Variants in TIPIN observed in about 807,000 individuals in gnomAD.
TIPIN encodes TIMELESS interacting protein.
Under a neutral mutation model 35.6 loss-of-function variants are expected in TIPIN, and 29 were observed. That is an observed-to-expected ratio of 0.82 (90% CI 0.61 to 1.11). The LOEUF (loss-of-function observed/expected upper bound fraction) is 1.11, where lower values mean the gene tolerates loss of function less well. Ranked by LOEUF, TIPIN falls within the 50% of genes most tolerant of loss-of-function variation. TIPIN has a pLI of 0.00. For missense variants in TIPIN, 296 were observed against 345.4 expected (o/e 0.86, Z 1.13); for synonymous variants, 102 against 121.5 (o/e 0.84, Z 1.06).
At chr15:66,381,451 AAAAAG>A (rs1489333168) in intron 1 of TIPIN, among the ~76,000 whole-genome samples, 4 of 152,074 alleles carry the variant, frequency 2.6e-5, no homozygotes, top group African/African-American at 9.7e-5. Context: ...AAAATTAAAA[AAAAAG>A]AATAGAGATC....
chr15:66,355,127 G>C (rs1226035918), intron 1 of TIPIN, among the ~76,000 whole-genome samples: 1 of 145,672 alleles, frequency 6.9e-6, no homozygotes, highest in Non-Finnish European at 1.5e-5. Context: ...TCCGCCTCCC[G>C]GGTTCTCGCC....
At chr15:66,375,499 T>TTTTATATATA (rs1363329440) in intron 1 of TIPIN, among the ~76,000 whole-genome samples, 2 of 132,840 alleles carry the variant, frequency 1.5e-5, no homozygotes, top group Non-Finnish European at 3.2e-5. Flanking sequence ...ATTGGAAAAG[T>TTTTATATATA]TATATATATA....
chr15:66,344,541 C>T lies in TIPIN; in HGVS notation c.476-3185G>A, dbSNP rs193236773. 1.5e-3 allele frequency among the ~76,000 whole-genome samples: 235 copies of T among 151,996 alleles called. 1 individual carries two copies. Among genetic ancestry groups the T allele is most frequent in the African/African-American group, 5.4e-3 (224 of 41,470 alleles). On this transcript the variant is annotated intron_variant, in intron 6 of 7. Coordinates refer to ENST00000261881, the MANE Select transcript of TIPIN (RefSeq NM_017858.3). ...ATATTTTGTAAGCAGCAGCTGGTTCCTTTGAGTAGGATTAAAATGAGATTT... is the reference window on the plus strand; with the variant it reads ...ATATTTTGTAAGCAGCAGCTGGTTCTTTTGAGTAGGATTAAAATGAGATTT...
chr15:66,336,779 A>C lies in TIPIN; in HGVS notation c.*179T>G. 1.7e-6 allele frequency: 1 copy of C among 578,924 alleles called. No homozygotes were observed. The highest frequency in any genetic ancestry group is 2.4e-5 in the South Asian group (1 of 42,022). The allele number at this position is 578,924 out of a possible 1,614,324, so 35.9% of individuals were successfully genotyped here. The stretch of plus-strand genomic sequence containing the variant: ...ATAAAAACAAACACTAAAGAGAACA[A>C]ATAGATTTAACTAAAGTGACAAGCA... On this transcript the variant is annotated 3_prime_UTR_variant, in exon 8 of 8. Coordinates refer to ENST00000261881, the MANE Select transcript of TIPIN (RefSeq NM_017858.3).
At chr15:66,353,386 G>C (rs1186134263) in intron 1 of TIPIN, among the ~76,000 whole-genome samples, 1 of 152,106 alleles carries the variant, frequency 6.6e-6, no homozygotes, top group African/African-American at 2.4e-5. Context: ...GGGAGGCCGA[G>C]GCGGGCGGAT....
At chr15:66,359,628 C>T (rs752546028), upstream of TIPIN, among the ~76,000 whole-genome samples, 57 of 152,152 alleles carry the variant, frequency 3.7e-4, 1 homozygote, top group Non-Finnish European at 6.5e-4. Context: ...GGATTACAGG[C>T]GTGAGTCACC....
intron 1 of TIPIN, among the ~76,000 whole-genome samples, chr15:66,380,250 C>T (rs1274181946): frequency 6.6e-6 from 1 of 151,628 alleles, no homozygotes; most frequent in Non-Finnish European, 1.5e-5. Flanking sequence ...GTGATCCACC[C>T]CACCTCGGCC....
At chr15:66,338,163 G>C (rs1212340019) in intron 7 of TIPIN, among the ~76,000 whole-genome samples, 2 of 151,466 alleles carry the variant, frequency 1.3e-5, no homozygotes, top group South Asian at 2.1e-4. Context: ...GGCTGGGACA[G>C]GAGAATCGCT....
At chr15:66,347,641 G>C (rs985964234) in intron 6 of TIPIN, among the ~76,000 whole-genome samples, 1 of 151,994 alleles carries the variant, frequency 6.6e-6, no homozygotes, top group Admixed American at 6.6e-5. Context: ...GGATTGCAAC[G>C]ACGCAATCTC....
chr15:66,361,348 C>CG (rs1241258079), upstream of TIPIN, among the ~76,000 whole-genome samples: 4 of 150,890 alleles, frequency 2.7e-5, no homozygotes, highest in Non-Finnish European at 5.9e-5. Context: ...CTCCGCTTCC[C>CG]GGGTTCACAC....
Position 66,342,784 on chromosome 15 carries a change from AGT to A in TIPIN, c.476-1430_476-1429del, listed in dbSNP as rs531787568. On this transcript the variant is annotated intron_variant, in intron 6 of 7. Transcript: ENST00000261881. ...TCCAAATTAATTTCTTTTTAAATTC[AGT>A]GTGCTCTACATTATAAGTAATACAT... Among the ~76,000 whole-genome samples the A allele has an allele frequency of 3.7e-3, 557 of 152,350 alleles. 4 individuals carry two copies. Among genetic ancestry groups the A allele is most frequent in the Non-Finnish European group, 3.3e-3 (226 of 68,034 alleles).
chr15:66,370,731 G>A (rs1307365410), intron 1 of TIPIN, among the ~76,000 whole-genome samples: 6 of 152,140 alleles, frequency 3.9e-5, no homozygotes, highest in East Asian at 1.9e-4. Flanking sequence ...AATAACTTCC[G>A]TGTGCAATGA....
At chr15:66,368,127 C>T (rs749675028) in intron 1 of TIPIN, among the ~76,000 whole-genome samples, 8 of 152,062 alleles carry the variant, frequency 5.3e-5, no homozygotes, top group Non-Finnish European at 1.0e-4. Flanking sequence ...ACCCTACGCC[C>T]AGCCTAAATC....
intron 6 of TIPIN, among the ~76,000 whole-genome samples, chr15:66,344,604 A>T (rs2093110648): frequency 6.6e-6 from 1 of 151,698 alleles, no homozygotes; most frequent in South Asian, 2.1e-4. Context: ...TAATCCCAGC[A>T]CTTTGGGAAC....
intron 1 of TIPIN, among the ~76,000 whole-genome samples, chr15:66,375,499 T>TTATATATATATATATATATATATA (rs71139487): frequency 7.2e-4 from 95 of 132,810 alleles, no homozygotes; most frequent in Non-Finnish European, 1.2e-3. Context: ...ATTGGAAAAG[T>TTATATATATATATATATATATATA]TATATATATA....
intron 1 of TIPIN, among the ~76,000 whole-genome samples, chr15:66,386,000 G>C (rs2093336465): frequency 6.6e-6 from 1 of 150,562 alleles, no homozygotes; most frequent in African/African-American, 2.5e-5. Flanking sequence ...CGAACTCCTG[G>C]GCTCAAGTGA....
At chr15:66,377,303 A>C (rs1447378244) in intron 1 of TIPIN, among the ~76,000 whole-genome samples, 9 of 152,104 alleles carry the variant, frequency 5.9e-5, no homozygotes, top group Admixed American at 5.2e-4. Flanking sequence ...TGATGTATTA[A>C]TACTTTCCTT....
chr15:66,341,923 C>A (rs1387235219), intron 6 of TIPIN, among the ~76,000 whole-genome samples: 2 of 152,106 alleles, frequency 1.3e-5, no homozygotes, highest in African/African-American at 4.8e-5. Context: ...CGGTGGCTCA[C>A]GCCTGTAATC....
At chr15:66,344,867 G>A (rs896960736) in intron 6 of TIPIN, among the ~76,000 whole-genome samples, 11 of 152,090 alleles carry the variant, frequency 7.2e-5, no homozygotes, top group African/African-American at 2.2e-4. Flanking sequence ...GCCCTGCCTC[G>A]AAAAGAAATA....
Sources: allele counts gnomAD v4.1 joint callset (sites outside exome capture counted in the v4.1 genomes callset), GRCh38; gene constraint gnomAD v4.1.1; transcripts MANE v1.5; gene names NCBI Gene and HGNC (gene_info 2026-07-23, HGNC 2026-07-21).